TNNI3K: variants seen among roughly 807,000 people sequenced by gnomAD.
The protein encoded by TNNI3K is serine/threonine-protein kinase TNNI3K.
TNNI3K carries 140 observed loss-of-function variants against 114.5 expected under a neutral mutation model. The ratio of observed to expected loss-of-function variants is 1.22; its 90% CI spans 1.07 to 1.41. The LOEUF is 1.41. Ranked by LOEUF, TNNI3K falls within the 40% of genes most tolerant of loss-of-function variation. The probability of loss-of-function intolerance (pLI) is 0.00; values close to 1 mark genes in which losing one functional copy is unlikely to be tolerated. For missense variants in TNNI3K, 1,125 were observed against 1,007.6 expected, an observed-to-expected ratio of 1.12 and a Z score of -1.58; for synonymous variants, 347 against 347.5, an observed-to-expected ratio of 1.00 and a Z score of 0.02.
At chr1:74,332,029 A>G (rs1445712139) in intron 6 of TNNI3K, among the ~76,000 whole-genome samples, 2 of 152,216 alleles carry the variant, frequency 1.3e-5, no homozygotes, top group South Asian at 4.1e-4. Context: ...TATAAAAACA[A>G]TTACTAATGT....
At position 74,439,560 on chromosome 1, in the gene TNNI3K, G is replaced by A. The variant is rs753559971; in HGVS notation, c.1949G>A (p.Ser650Asn). Residue 650 changes from serine (S) to asparagine (N), a missense_variant, in exon 20 of 25, where the codon AGC (serine) becomes AAC (asparagine). Transcript: ENST00000326637. ...TACACCATCAAAGCAGATGTCTTCAGCTATGCTCTGTGTCTGTGGGAAATT... is the reference window on the plus strand; with the variant it reads ...TACACCATCAAAGCAGATGTCTTCAACTATGCTCTGTGTCTGTGGGAAATT... ...TRYTIKADVFSYALCLWEILT... is the reference protein window; with the variant it reads ...TRYTIKADVFNYALCLWEILT... 1.9e-6 allele frequency: 3 copies of A among 1,613,564 alleles called. No individual in the cohort carries two copies. Among genetic ancestry groups the A allele is most frequent in the Admixed American group, 3.3e-5 (2 of 59,892 alleles).
intron 4 of TNNI3K, among the ~76,000 whole-genome samples, chr1:74,268,334 C>G (rs888703278): frequency 1.3e-5 from 2 of 151,884 alleles, no homozygotes; most frequent in Non-Finnish European, 2.9e-5. Context: ...TTAGCCCTCA[C>G]CAAGATTATT....
intron 6 of TNNI3K, among the ~76,000 whole-genome samples, chr1:74,332,172 C>G (rs1660236812): frequency 1.3e-5 from 2 of 152,018 alleles, no homozygotes; most frequent in South Asian, 4.1e-4. Context: ...TTTTATTTAA[C>G]CTTCACAACT....
At chr1:74,514,102 C>A (rs1646311298) in intron 23 of TNNI3K, among the ~76,000 whole-genome samples, 1 of 152,192 alleles carries the variant, frequency 6.6e-6, no homozygotes, top group Non-Finnish European at 1.5e-5. Context: ...TTTACCCAGG[C>A]ACACCAAAAT....
chr1:74,374,687 T>A (rs1272722527), intron 17 of TNNI3K: 1 of 151,972 alleles, frequency 6.6e-6, no homozygotes, highest in Non-Finnish European at 1.5e-5. Flanking sequence ...AGATGTTGCA[T>A]AGAAAGCATG....
At chr1:74,470,347 GTC>G (rs1331642886) in intron 21 of TNNI3K, 1 of 400,468 alleles carries the variant, frequency 2.5e-6, no homozygotes, top group African/African-American at 2.1e-5. Flanking sequence ...ACTAGAATCT[GTC>G]TTGCTTTCAT....
intron 23 of TNNI3K, among the ~76,000 whole-genome samples, chr1:74,510,632 A>G (rs994884307): frequency 6.6e-6 from 1 of 152,224 alleles, no homozygotes; most frequent in African/African-American, 2.4e-5. Flanking sequence ...ACCAACTACC[A>G]GATCTATGTG....
intron 17 of TNNI3K, chr1:74,374,323 GA>G (rs1216074567): frequency 6.6e-6 from 1 of 151,872 alleles, no homozygotes; most frequent in Non-Finnish European, 1.5e-5. Flanking sequence ...ATCACCATAT[GA>G]AAGGAGCTTT....
At position 74,486,201 on chromosome 1, in the gene TNNI3K, A is replaced by AGAG. The variant is rs1668751420; in HGVS notation, c.2122-2988_2122-2987insGAG. Among the ~76,000 whole-genome samples, 6 of 136,516 alleles carry AGAG rather than the reference A, an allele frequency of 4.4e-5. No individual in the cohort carries two copies. In the East Asian group the frequency reaches 1.2e-3, roughly 26 times the overall value. 89.6% of individuals were successfully genotyped at this position (136,516 alleles called of 152,430 possible). ...GTCTACCCTCAGGCTAAATGCTATAAAGAGAGAGAGAGAGAGAGAGAGAGA... is the reference window on the plus strand; with the variant it reads ...GTCTACCCTCAGGCTAAATGCTATAAGAGAGAGAGAGAGAGAGAGAGAGAGAGA... On this transcript the variant is annotated intron_variant, in intron 21 of 24. Coordinates refer to ENST00000326637, the MANE Select transcript of TNNI3K (RefSeq NM_015978.3).
chr1:74,398,038 A>G (rs1057127537), intron 17 of TNNI3K, among the ~76,000 whole-genome samples: 1 of 152,256 alleles, frequency 6.6e-6, no homozygotes, highest in African/African-American at 2.4e-5. Flanking sequence ...CGTTTTAGAA[A>G]GCCTCCTGCT....
At chr1:74,476,427 T>C (rs1668211950) in intron 21 of TNNI3K, among the ~76,000 whole-genome samples, 1 of 152,154 alleles carries the variant, frequency 6.6e-6, no homozygotes, top group South Asian at 2.1e-4. Context: ...AGGTGTATTA[T>C]TCTGTTTATT....
rs370171549 is a variant in TNNI3K, at chr1:74,349,204, G to A, written c.933-4062G>A. ...CTAATTTATTGAAAGTTTTTAGCAT[G>A]AAAGCTAAAAACTTTTCTGCATCTA... is the stretch of plus-strand genomic sequence containing the variant. On this transcript the variant is annotated intron_variant, in intron 9 of 24. Transcript: ENST00000326637. Among the ~76,000 whole-genome samples the A allele has an allele frequency of 2.0e-4, 31 of 151,782 alleles. No homozygotes were observed. In the South Asian group the frequency reaches 5.2e-3, roughly 25 times the overall value.
intron 23 of TNNI3K, among the ~76,000 whole-genome samples, chr1:74,536,411 C>T (rs1167681460): frequency 6.6e-6 from 1 of 152,090 alleles, no homozygotes; most frequent in Non-Finnish European, 1.5e-5. Flanking sequence ...ATCTATACCC[C>T]TAAAGCATGA....
intron 17 of TNNI3K, among the ~76,000 whole-genome samples, chr1:74,385,140 T>C (rs1357270031): frequency 6.6e-6 from 1 of 152,104 alleles, no homozygotes; most frequent in East Asian, 1.9e-4. Context: ...ACACGTAAAA[T>C]AGTACATACC....
At chr1:74,284,814 A>G (rs566280650) in intron 5 of TNNI3K, among the ~76,000 whole-genome samples, 11 of 152,320 alleles carry the variant, frequency 7.2e-5, no homozygotes, top group South Asian at 4.1e-4. Context: ...TAGCGTTCCA[A>G]TAATGGAACA....
chr1:74,250,994 A>G (rs774726242), intron 4 of TNNI3K, among the ~76,000 whole-genome samples: 2 of 152,152 alleles, frequency 1.3e-5, no homozygotes, highest in African/African-American at 2.4e-5. Context: ...AATTCTCACA[A>G]GAACCCCATG....
At chr1:74,435,462 C>T (rs1187635415) in intron 17 of TNNI3K, among the ~76,000 whole-genome samples, 2 of 152,000 alleles carry the variant, frequency 1.3e-5, no homozygotes, top group Non-Finnish European at 2.9e-5. Flanking sequence ...CTCTGACACT[C>T]TTCTTAATCT....
At chr1:74,483,406 A>G (rs1340417188) in intron 21 of TNNI3K, 3 of 712,142 alleles carry the variant, frequency 4.2e-6, no homozygotes, top group Non-Finnish European at 7.9e-6. Context: ...AATGTATATC[A>G]TAATGTTGGC....
intron 21 of TNNI3K, among the ~76,000 whole-genome samples, chr1:74,463,786 AG>A (rs1295290760): frequency 6.6e-6 from 1 of 152,110 alleles, no homozygotes; most frequent in Non-Finnish European, 1.5e-5. Flanking sequence ...AAGAGAGACC[AG>A]GGTATGACAG....
Sources: gnomAD v4.1 joint callset for allele counts (sites outside exome capture counted in the v4.1 genomes callset) on GRCh38, gnomAD v4.1.1 for gene constraint, MANE v1.5 for transcripts, NCBI Gene and HGNC (gene_info 2026-07-23, HGNC 2026-07-21) for gene names.